The following CLDN14 variants were observed in gnomAD, a reference collection of about 807,000 sequenced individuals.
CLDN14 encodes claudin 14, also known as claudin-14.
A neutral mutation model predicts 2.1 loss-of-function variants in CLDN14; 2 were observed. That is an observed-to-expected ratio of 0.96 (90% confidence interval 0.39 to 3.01). The LOEUF is 3.01. CLDN14 is among the 30% of genes most tolerant of loss of function. CLDN14 has a pLI of 0.09. For missense variants in CLDN14, 298 were observed against 328.0 expected (o/e 0.91, Z 0.71); for synonymous variants, 136 against 154.4 (o/e 0.88, Z 0.88).
At chr21:36,468,790 C>T (rs1194630840) in intron 1 of CLDN14, among the ~76,000 whole-genome samples, 3 of 149,846 alleles carry the variant, frequency 2.0e-5, no homozygotes, top group African/African-American at 7.4e-5. Flanking sequence ...GACAGAATCT[C>T]GCTCTGTCAC....
At chr21:36,552,795 G>A (rs937120865) in intron 1 of CLDN14, among the ~76,000 whole-genome samples, 35 of 152,196 alleles carry the variant, frequency 2.3e-4, no homozygotes, top group African/African-American at 7.7e-4. Context: ...AGAACAGCAC[G>A]GGTCTCGGCT....
At chr21:36,473,140 G>A (rs1213981343) in intron 1 of CLDN14, among the ~76,000 whole-genome samples, 1 of 151,396 alleles carries the variant, frequency 6.6e-6, no homozygotes, top group Non-Finnish European at 1.5e-5. Flanking sequence ...TTATAGATGG[G>A]CTCTTGCTAT....
upstream of CLDN14, among the ~76,000 whole-genome samples, chr21:36,483,462 G>A (rs9636632): frequency 0.51 from 78,115 of 152,092 alleles, 21,064 homozygotes; most frequent in Non-Finnish European, 0.59. Flanking sequence ...CTTTGTCTGG[G>A]GTCACAGGGT....
intron 1 of CLDN14, among the ~76,000 whole-genome samples, chr21:36,550,219 C>T (rs390432): frequency 0.74 from 112,243 of 152,018 alleles, 42,859 homozygotes; most frequent in Non-Finnish European, 0.85. Context: ...CAGTGCATTT[C>T]CAAAAGAAAG....
intron 1 of CLDN14, among the ~76,000 whole-genome samples, chr21:36,565,130 A>G (rs1204282195): frequency 2.0e-5 from 3 of 152,196 alleles, no homozygotes; most frequent in Non-Finnish European, 4.4e-5. Flanking sequence ...TTTTCCTCTG[A>G]TTGACACAAG....
intron 1 of CLDN14, among the ~76,000 whole-genome samples, chr21:36,516,685 C>A (rs575220880): frequency 6.6e-6 from 1 of 152,178 alleles, no homozygotes; most frequent in Non-Finnish European, 1.5e-5. Flanking sequence ...ACTGTATTTG[C>A]GCAATTCCCA....
intron 1 of CLDN14, among the ~76,000 whole-genome samples, chr21:36,462,903 G>A (rs2086596721): frequency 6.7e-6 from 1 of 149,796 alleles, no homozygotes; most frequent in Admixed American, 6.7e-5. Context: ...GGGCGACAGA[G>A]TAAGACTCCG....
At chr21:36,488,261 C>CCTTCCTTCCTTA in intron 2 of CLDN14, among the ~76,000 whole-genome samples, 1 of 149,936 alleles carries the variant, frequency 6.7e-6, no homozygotes, top group Non-Finnish European at 1.5e-5. Flanking sequence ...TTCCTTCCTT[C>CCTTCCTTCCTTA]CTTCCTTCCT....
At chr21:36,568,981 T>TAA (rs2146528469) in intron 1 of CLDN14, among the ~76,000 whole-genome samples, 1 of 152,372 alleles carries the variant, frequency 6.6e-6, no homozygotes, top group Admixed American at 6.5e-5. Flanking sequence ...TCTGCTGTCT[T>TAA]ATAGCCCTAA....
intron 1 of CLDN14, among the ~76,000 whole-genome samples, chr21:36,520,761 G>T (rs770979070): frequency 6.6e-6 from 1 of 152,166 alleles, no homozygotes; most frequent in African/African-American, 2.4e-5. Context: ...AGTCACAACA[G>T]ATGGAGACTC....
In CLDN14 at chr21:36,562,085, G is replaced by T. The variant is rs538238481; in HGVS notation, c.-220+14326C>A. On this transcript the variant is annotated intron_variant, in intron 1 of 2. Transcript: ENST00000342108. ...GGTGCATGAAAATGCAGCAAAGAAG[G>T]CTATTATTACAATCATCTCTGAGGG... Among the ~76,000 whole-genome samples the T allele has an allele frequency of 5.9e-5, 9 of 152,022 alleles. No individual in the cohort carries two copies. The East Asian group carries it at 1.7e-3, about 29-fold the overall frequency.
chr21:36,505,393 G>GGC (rs760148272), intron 2 of CLDN14, among the ~76,000 whole-genome samples: 31 of 152,158 alleles, frequency 2.0e-4, no homozygotes, highest in Non-Finnish European at 4.3e-4. Flanking sequence ...TGCTGGAGGA[G>GGC]GCAATTCCAG....
Position 36,489,131 on chromosome 21 carries a change from A to AAATATATAT in CLDN14, c.-82+21231_-82+21232insATATATATT. Among the ~76,000 whole-genome samples, 134 of 62,748 alleles carry AAATATATAT rather than the reference A, an allele frequency of 2.1e-3. 1 individual carries two copies. Among genetic ancestry groups the AAATATATAT allele is most frequent in the East Asian group, 4.9e-3 (12 of 2,448 alleles). 41.2% of individuals were successfully genotyped at this position (62,748 alleles called of 152,430 possible). A position where few individuals can be genotyped will look rare whatever the true frequency, so the allele number is the denominator to read the frequency against. On this transcript the variant is annotated intron_variant, in intron 2 of 2. Transcript: ENST00000342108. ...TCTGTCTCAAAGAAAAAAAAAAAAA[A>AAATATATAT]ATATATATATATATATATATATATA...
At chr21:36,461,822 G>C in intron 1 of CLDN14, 46 bp from the exon 2 acceptor site, 1 of 1,298,714 alleles carries the variant, frequency 7.7e-7, no homozygotes, top group Non-Finnish European at 1.0e-6. Flanking sequence ...AAGGAAATGG[G>C]TTAAAGATTA....
chr21:36,537,850 A>G (rs1391407171), intron 1 of CLDN14, among the ~76,000 whole-genome samples: 2 of 152,096 alleles, frequency 1.3e-5, no homozygotes, highest in African/African-American at 2.4e-5. Flanking sequence ...GGGTTTCACC[A>G]TGTTGGTCAA....
chr21:36,498,770 C>T lies in CLDN14; in HGVS notation c.-82+11593G>A, dbSNP rs2087064127. Among the ~76,000 whole-genome samples, 1 of 152,180 alleles carries T rather than the reference C, an allele frequency of 6.6e-6. No individual in the cohort carries two copies. The highest frequency in any genetic ancestry group is 2.4e-5 in the African/African-American group (1 of 41,442). On this transcript the variant is annotated intron_variant, in intron 2 of 2. Coordinates refer to the CLDN14 transcript ENST00000342108. This position sits in a 1 kb window ranked among gnomAD's most constrained non-coding sequence, Gnocchi z 4.9. ...AGACACGGGAAAACCAGTCTCAGTT[C>T]AGGTCTGGGCCCCACTGGCTGCGTC...
At chr21:36,471,294 G>C (rs2086707808) in intron 1 of CLDN14, among the ~76,000 whole-genome samples, 1 of 152,206 alleles carries the variant, frequency 6.6e-6, no homozygotes, top group Admixed American at 6.5e-5. Context: ...GGAAAAGGTA[G>C]AGGACATGGA....
chr21:36,533,927 C>T (rs1264952744), intron 1 of CLDN14, among the ~76,000 whole-genome samples: 4 of 152,136 alleles, frequency 2.6e-5, no homozygotes, highest in Non-Finnish European at 4.4e-5. Flanking sequence ...ATAATCTATA[C>T]AATAAACCTC....
exon 1 of CLDN14, chr21:36,576,513 G>A (rs7283441): frequency 0.021 from 3,217 of 153,198 alleles, 117 homozygotes; most frequent in African/African-American, 0.073. Flanking sequence ...CCTGGCTCGT[G>A]ACTTCTGCCT....
Sources: gnomAD v4.1 joint callset for allele counts (sites outside exome capture counted in the v4.1 genomes callset) on GRCh38, gnomAD v4.1.1 for gene constraint, Gnocchi (gnomAD v3.1) non-coding constraint, MANE v1.5 for transcripts, NCBI Gene and HGNC (gene_info 2026-07-23, HGNC 2026-07-21) for gene names.